The following EXOC1 variants were observed in gnomAD, a reference collection of about 807,000 sequenced individuals.
EXOC1 encodes SEC3-like 1.
Under a neutral mutation model 107.7 loss-of-function variants are expected in EXOC1, and 67 were observed. The ratio of observed to expected loss-of-function variants is 0.62; its 90% CI spans 0.51 to 0.76. The LOEUF is 0.76. Ranked by LOEUF, EXOC1 falls within the 30% of genes least tolerant of loss-of-function variation. The pLI, the probability that EXOC1 is intolerant of heterozygous loss-of-function variation, is 0.00. For synonymous variants in EXOC1, 348 were observed against 353.5 expected (o/e 0.98, Z 0.17); for missense variants, 833 against 1,055.7 (o/e 0.79, Z 2.92).
At chr4:55,888,751 CTT>C in intron 10 of EXOC1, 135 bp from the exon 11 acceptor site, 1 of 800,690 alleles carries the variant, frequency 1.2e-6, no homozygotes, top group Non-Finnish European at 2.1e-6. Context: ...GTTTGCACTT[CTT>C]GTTACTTGAT....
intron 3 of EXOC1, 83 bp downstream of exon 3, chr4:55,860,624 T>C: frequency 6.8e-7 from 1 of 1,473,246 alleles, no homozygotes; most frequent in South Asian, 1.3e-5. Context: ...TAAAATGATC[T>C]AAAAACAAAT....
chr4:55,873,349 A>G (rs1319971085), intron 8 of EXOC1, among the ~76,000 whole-genome samples: 2 of 152,170 alleles, frequency 1.3e-5, no homozygotes, highest in East Asian at 3.9e-4. Context: ...GTGTCGAGAA[A>G]AAAGTAAGCT....
chr4:55,864,314 A>G lies in EXOC1; in HGVS notation c.343A>G (p.Ile115Val). 6.2e-7 allele frequency: 1 copy of G among 1,611,334 alleles called. No individual in the cohort carries two copies. Among genetic ancestry groups the G allele is most frequent in the Non-Finnish European group, 8.5e-7 (1 of 1,178,840 alleles). The change falls in exon 4 of 19, where the codon ATT becomes GTT. Residue 115 changes from isoleucine to valine, a missense_variant. Around this residue, in one of 2 missense-constraint regions of EXOC1, gnomAD observed 617 missense variants for 701.3 expected, o/e 0.88. Transcript: ENST00000381295. Reference protein sequence around the residue: ...TAEKNAFISCIWKLNQRYLRK... With the variant: ...TAEKNAFISCVWKLNQRYLRK... ...TGAAAAGAATGCATTTATTTCATGC[A>G]TTTGGAAATTGAATCAGCGATATCT...
chr4:55,888,053 A>G (rs1423698562), intron 10 of EXOC1, among the ~76,000 whole-genome samples: 1 of 152,170 alleles, frequency 6.6e-6, no homozygotes, highest in African/African-American at 2.4e-5. Flanking sequence ...TTTAGGTTTT[A>G]GTTTTATTCT....
rs1479803447 is a variant in EXOC1, at chr4:55,896,771, G to A, written c.2008G>A (p.Gly670Arg). Residue 670 changes from glycine (G) to arginine (R), a missense_variant, in exon 16 of 19, where the codon GGA becomes AGA. Physicochemically the swap from Gly to Arg is moderately radical, Grantham distance 125 (BLOSUM62 -2). Transcript: ENST00000381295. ...EVKISKKSKV[G>R]ILPFVAEFEE... Reference sequence around the variant, plus strand: ...AAAGATCTCAAAAAAGAGTAAAGTTGGAATTCTTCCATTTGTTGCTGAATT... The same window carrying A: ...AAAGATCTCAAAAAAGAGTAAAGTTAGAATTCTTCCATTTGTTGCTGAATT... 6.2e-7 allele frequency: 1 copy of A among 1,610,258 alleles called. No homozygotes were observed. Among genetic ancestry groups the A allele is most frequent in the Admixed American group, 1.7e-5 (1 of 59,194 alleles).
chr4:55,900,364 T>C (rs1725756137), intron 17 of EXOC1, among the ~76,000 whole-genome samples: 2 of 152,212 alleles, frequency 1.3e-5, no homozygotes, highest in South Asian at 4.1e-4. Flanking sequence ...AAAAATATTA[T>C]TAAGATAAAA....
rs1283559253 is a variant in EXOC1, at chr4:55,868,387, T to C, written c.467T>C (p.Val156Ala). ...AGTGTGACAGGAGGTGATGAAGAAG[T>C]AGTAGATGAATACCAAGAGTTAAAT... ...NQSVTGGDEE[V>A]VDEYQELNAR... The change falls in exon 5 of 19, where the codon GTA becomes GCA. Residue 156 changes from valine (V) to alanine (A), a missense_variant. Val to Ala is a moderately conservative substitution (Grantham distance 64). Around this residue, in one of 2 missense-constraint regions of EXOC1, gnomAD observed 617 missense variants for 701.3 expected, o/e 0.88. Transcript: ENST00000381295. 6.2e-7 allele frequency: 1 copy of C among 1,613,686 alleles called. No homozygotes were observed. Among genetic ancestry groups the C allele is most frequent in the Non-Finnish European group, 8.5e-7 (1 of 1,179,792 alleles).
intron 14 of EXOC1, among the ~76,000 whole-genome samples, 169 bp downstream of exon 14, chr4:55,892,880 A>G (rs1020985279): frequency 3.3e-5 from 5 of 152,110 alleles, no homozygotes; most frequent in South Asian, 2.1e-4. Flanking sequence ...AATAGGGCCT[A>G]TTTTATGGCT....
chr4:55,896,970 G>A, intron 16 of EXOC1, 70 bp downstream of exon 16: 1 of 1,253,652 alleles, frequency 8.0e-7, no homozygotes, highest in South Asian at 1.5e-5. Context: ...AAGAAATCGG[G>A]AGCAGATAGG....
intron 2 of EXOC1, among the ~76,000 whole-genome samples, chr4:55,860,121 T>C (rs183907365): frequency 6.6e-6 from 1 of 152,356 alleles, no homozygotes; most frequent in East Asian, 1.9e-4. Context: ...ACTTTACTTA[T>C]GTCAATCATT....
At chr4:55,877,760 A>C in intron 8 of EXOC1, 157 bp from the exon 9 acceptor site, 1 of 984,118 alleles carries the variant, frequency 1.0e-6, no homozygotes, top group Non-Finnish European at 1.2e-6. Context: ...AAAGTTGTGT[A>C]AGTATTTGGT....
Position 55,899,873 on chromosome 4 carries a change from GA to G in EXOC1, c.2331del (p.Lys777AsnfsTer2). 6.2e-7 allele frequency: 1 copy of G among 1,603,862 alleles called. No individual in the cohort carries two copies. Among genetic ancestry groups the G allele is most frequent in the Middle Eastern group, 2.0e-4 (1 of 4,916 alleles). On this transcript the variant is annotated frameshift_variant, in exon 17 of 19. Transcript: ENST00000381295. LOFTEE classifies it high-confidence loss of function. ...CATTTACTCTTTAGGACAACCTCTT[GA>G]AAAACTAAATGTAAATATATTTTCA... ...YVIYSLGQPLEKLNHFFEGVE... is the reference protein window; with the variant it reads ...YVIYSLGQPLXKLNHFFEGVE...
intron 5 of EXOC1, 29 bp downstream of exon 5, chr4:55,868,552 G>A: frequency 1.3e-6 from 2 of 1,594,464 alleles, no homozygotes; most frequent in Middle Eastern, 3.3e-4. Flanking sequence ...CTATGAATAA[G>A]TGATGTATAG....
intron 15 of EXOC1, 54 bp downstream of exon 15, chr4:55,893,834 A>G (rs1217775756): frequency 2.1e-5 from 29 of 1,355,844 alleles, no homozygotes; most frequent in Non-Finnish European, 2.8e-5. Context: ...TGCAAAATAT[A>G]GGTAAATGTA....
At chr4:55,855,149 T>C (rs1720840837) in intron 1 of EXOC1, among the ~76,000 whole-genome samples, 1 of 152,236 alleles carries the variant, frequency 6.6e-6, no homozygotes, top group Non-Finnish European at 1.5e-5. Flanking sequence ...AGGAAAACGT[T>C]GAGTAAAAGC....
At chr4:55,874,247 A>G (rs1202635046) in intron 8 of EXOC1, among the ~76,000 whole-genome samples, 1 of 152,166 alleles carries the variant, frequency 6.6e-6, no homozygotes, top group East Asian at 1.9e-4. Context: ...TCACAATATA[A>G]CAGTAATTTC....
At position 55,893,778 on chromosome 4, in the gene EXOC1, A is replaced by G. The variant is rs902501038; in HGVS notation, c.1951A>G (p.Ile651Val). Residue 651 changes from isoleucine (I) to valine (V), a missense_variant and splice_region_variant, in exon 15 of 19, where the codon ATT becomes GTT. By Grantham distance (29) the Ile-to-Val change is conservative (BLOSUM62 3). Coordinates refer to ENST00000381295, the MANE Select transcript of EXOC1 (RefSeq NM_001024924.2). ...VTVKRNFDKC[I>V]SNQIRQMEEV... ...TGTCAAAAGGAACTTTGACAAATGC[A>G]TTGTAAGTTTTCTTTTTTAAAAAAA... 6 of 1,608,916 alleles carry G rather than the reference A, an allele frequency of 3.7e-6. No homozygotes were observed. The highest frequency in any genetic ancestry group is 1.1e-5 in the South Asian group (1 of 90,002).
At chr4:55,898,666 G>A (rs1187491340) in intron 16 of EXOC1, among the ~76,000 whole-genome samples, 4 of 152,000 alleles carry the variant, frequency 2.6e-5, no homozygotes, top group African/African-American at 4.8e-5. Flanking sequence ...CTATATATGG[G>A]CATATTGTAT....
chr4:55,888,472 T>G (rs1393722662), intron 10 of EXOC1, among the ~76,000 whole-genome samples: 3 of 152,134 alleles, frequency 2.0e-5, no homozygotes, highest in Non-Finnish European at 4.4e-5. Context: ...AATACAAGAT[T>G]GTTGACATCT....
Sources: gnomAD v4.1 joint callset for allele counts (sites outside exome capture counted in the v4.1 genomes callset) on GRCh38, gnomAD v4.1.1 for gene constraint, gnomAD v4.1.1 regional missense constraint, MANE v1.5 for transcripts, NCBI Gene and HGNC (gene_info 2026-07-23, HGNC 2026-07-21) for gene names.